The following AGO3 variants were observed in gnomAD, a reference collection of about 807,000 sequenced individuals.
AGO3 encodes argonaute RISC catalytic component 3, also known as protein argonaute-3.
A neutral mutation model predicts 105.5 loss-of-function variants in AGO3; 16 were observed. The observed-to-expected ratio is 0.15, with a 90% confidence interval of 0.10 to 0.23. The LOEUF (loss-of-function observed/expected upper bound fraction) is 0.23, where lower values mean the gene tolerates loss of function less well. AGO3 is among the 10% of genes least tolerant of loss of function. The pLI is 1.00. For missense variants in AGO3, 534 were observed against 1,088.0 expected (o/e 0.49, Z 7.16); for synonymous variants, 340 against 367.3 (o/e 0.93, Z 0.85).
At chr1:35,972,605 A>G (rs1033631492) in intron 4 of AGO3, among the ~76,000 whole-genome samples, 2 of 152,118 alleles carry the variant, frequency 1.3e-5, no homozygotes, top group African/African-American at 4.8e-5. Context: ...CTTTTTTTCA[A>G]TAACCCTAGG....
At position 36,066,755 on chromosome 1, in the gene AGO3, T is replaced by C. The variant is rs1198736826; in HGVS notation, c.*11010T>C. ...TACGTGACTCTTTATTGTCAGAATC[T>C]GTAGAAACTGGAGGTCTTTGTAAAG... is the stretch of plus-strand genomic sequence containing the variant. On this transcript the variant is annotated 3_prime_UTR_variant, in exon 19 of 19. Coordinates refer to ENST00000373191, the MANE Select transcript of AGO3 (RefSeq NM_024852.4). The C allele has an allele frequency of 6.6e-6, 1 of 152,208 alleles. No individual in the cohort carries two copies. The highest frequency in any genetic ancestry group is 2.4e-5 in the African/African-American group (1 of 41,454). 9.4% of individuals were successfully genotyped at this position (152,208 alleles called of 1,614,324 possible). A position where few individuals can be genotyped will look rare whatever the true frequency, so the allele number is the denominator to read the frequency against.
chr1:35,945,213 C>CT (rs577859805), intron 1 of AGO3, among the ~76,000 whole-genome samples: 13,508 of 145,752 alleles, frequency 0.093, 1,954 homozygotes, highest in African/African-American at 0.31. Flanking sequence ...CTTTTCTTTT[C>CT]TTTTTTTTTT....
intron 1 of AGO3, among the ~76,000 whole-genome samples, chr1:35,937,183 G>A (rs959176506): frequency 2.0e-5 from 3 of 152,110 alleles, no homozygotes; most frequent in African/African-American, 7.2e-5. Context: ...AGGTGGATCA[G>A]CTGAGGTCAG....
At chr1:35,947,011 C>T (rs1296350362) in intron 2 of AGO3, among the ~76,000 whole-genome samples, 1 of 152,064 alleles carries the variant, frequency 6.6e-6, no homozygotes, top group African/African-American at 2.4e-5. Context: ...ACTTGGTAGT[C>T]ATTAGGAAGT....
chr1:35,947,973 C>T (rs1443746534), intron 2 of AGO3, among the ~76,000 whole-genome samples: 2 of 152,268 alleles, frequency 1.3e-5, no homozygotes, highest in East Asian at 3.9e-4. Flanking sequence ...AGGAGGATTA[C>T]TTAAGCCCAG....
intron 17 of AGO3, among the ~76,000 whole-genome samples, chr1:36,049,482 C>T (rs1202205667): frequency 1.3e-5 from 2 of 150,730 alleles, no homozygotes; most frequent in Non-Finnish European, 3.0e-5. Flanking sequence ...TGCGCCACTG[C>T]ACTCCAACCT....
chr1:36,009,345 A>T, intron 8 of AGO3, 130 bp from the exon 9 acceptor site: 1 of 1,086,754 alleles, frequency 9.2e-7, no homozygotes, highest in Non-Finnish European at 1.3e-6. Context: ...CTACTTTTTT[A>T]CTTAACATAT....
chr1:35,944,305 C>G (rs901681388), intron 1 of AGO3, among the ~76,000 whole-genome samples: 4 of 151,936 alleles, frequency 2.6e-5, no homozygotes, highest in Admixed American at 6.6e-5. Flanking sequence ...GCTCCTAAGC[C>G]TCCTGAGTGT....
At chr1:35,969,138 T>G (rs1386628161) in intron 3 of AGO3, among the ~76,000 whole-genome samples, 1 of 152,042 alleles carries the variant, frequency 6.6e-6, no homozygotes. Context: ...GAGTTCTTTA[T>G]TTTTAGATTT....
chr1:36,054,439 AT>A (rs1183765272), intron 17 of AGO3, among the ~76,000 whole-genome samples: 7 of 149,024 alleles, frequency 4.7e-5, no homozygotes, highest in East Asian at 2.0e-4. Context: ...CATCTGGCTA[AT>A]TTTTTTTTTA....
intron 2 of AGO3, among the ~76,000 whole-genome samples, chr1:35,952,511 T>G (rs2148756634): frequency 1.3e-5 from 2 of 152,298 alleles, no homozygotes; most frequent in Middle Eastern, 6.8e-3. Flanking sequence ...TGCATAATGA[T>G]TTCAAGGTTC....
chr1:35,967,133 G>A lies in AGO3; in HGVS notation c.312+58G>A, dbSNP rs1571444470. On this transcript the variant is annotated intron_variant, in intron 3 of 18. Coordinates refer to ENST00000373191, the MANE Select transcript of AGO3 (RefSeq NM_024852.4). ...ATTTTTGAAGTGTCTCCTTTTACAC[G>A]CATTTATTACCATTTTTATTACAGT... 21 of 1,549,606 alleles carry A rather than the reference G, an allele frequency of 1.4e-5. No homozygotes were observed. The East Asian group carries it at 2.3e-4, about 17-fold the overall frequency.
Position 36,064,350 on chromosome 1 carries a change from A to T in AGO3, c.*8605A>T, listed in dbSNP as rs1392480813. The T allele has an allele frequency of 6.6e-6, 1 of 152,560 alleles. No individual in the cohort carries two copies. Among genetic ancestry groups the T allele is most frequent in the African/African-American group, 2.4e-5 (1 of 41,470 alleles). The allele number at this position is 152,560 out of a possible 1,614,324, so 9.5% of individuals were successfully genotyped here. A position where few individuals can be genotyped will look rare whatever the true frequency, so the allele number is the denominator to read the frequency against. On this transcript the variant is annotated 3_prime_UTR_variant, in exon 19 of 19. Transcript: ENST00000373191. The stretch of plus-strand genomic sequence containing the variant: ...AGCCAAGATCGCGCCATTGCACTCC[A>T]GCCTGGGCAACAAGAGTGAAACTCC...
chr1:35,961,672 T>C (rs1646679668), intron 2 of AGO3, among the ~76,000 whole-genome samples: 1 of 152,222 alleles, frequency 6.6e-6, no homozygotes, highest in South Asian at 2.1e-4. Flanking sequence ...CTCATTATAT[T>C]TGAATTTTTA....
chr1:36,038,317 G>C (rs369957130), intron 14 of AGO3, among the ~76,000 whole-genome samples: 2 of 146,798 alleles, frequency 1.4e-5, no homozygotes, highest in Non-Finnish European at 3.0e-5. Flanking sequence ...TGCAGTGGGC[G>C]CGATCTTGGC....
chr1:36,009,386 TA>T, intron 8 of AGO3, 88 bp from the exon 9 acceptor site: 1 of 1,423,612 alleles, frequency 7.0e-7, no homozygotes, highest in African/African-American at 1.5e-5. Context: ...AAGTTGATTT[TA>T]AATTTTTATT....
chr1:36,002,887 G>A (rs1441038562), intron 5 of AGO3, among the ~76,000 whole-genome samples: 5 of 151,972 alleles, frequency 3.3e-5, no homozygotes, highest in South Asian at 2.1e-4. Flanking sequence ...CCTGGCCAAC[G>A]TGGTAAAACC....
chr1:35,970,605 T>A (rs1646848029), intron 3 of AGO3, among the ~76,000 whole-genome samples: 1 of 152,216 alleles, frequency 6.6e-6, no homozygotes, highest in Non-Finnish European at 1.5e-5. Context: ...GTTCAAGAGT[T>A]ACTTGAATTA....
At chr1:35,986,121 T>G (rs975892084) in intron 5 of AGO3, among the ~76,000 whole-genome samples, 1 of 152,240 alleles carries the variant, frequency 6.6e-6, no homozygotes, top group African/African-American at 2.4e-5. Flanking sequence ...ACACATTGTT[T>G]GTAGTAGTAC....
Sources: gnomAD v4.1 joint callset for allele counts (sites outside exome capture counted in the v4.1 genomes callset) on GRCh38, gnomAD v4.1.1 for gene constraint, MANE v1.5 for transcripts, NCBI Gene and HGNC (gene_info 2026-07-23, HGNC 2026-07-21) for gene names.